ATP11C: variants seen among roughly 807,000 people sequenced by gnomAD.
The protein encoded by ATP11C is phospholipid-transporting ATPase IG.
In ATP11C, 36 loss-of-function variants were observed where a neutral mutation model predicts 97.4. That is an observed-to-expected ratio of 0.37 (90% CI 0.28 to 0.49). The LOEUF is 0.49. Among genes scored for constraint, ATP11C ranks in the 20% least tolerant of loss-of-function variants. ATP11C has a pLI of 0.98. For missense variants in ATP11C, 730 were observed against 824.6 expected (o/e 0.89, Z 1.40); for synonymous variants, 275 against 290.9 (o/e 0.95, Z 0.56).
chrX:139,880,548 G>C (rs911780383), intron 1 of ATP11C, among the ~76,000 whole-genome samples: 17 of 111,242 alleles, frequency 1.5e-4, no homozygotes, highest in Non-Finnish European at 2.5e-4. Context: ...GAAAACAAAG[G>C]AGGAAGATGG....
At chrX:139,794,923 A>C (rs2082763513) in intron 12 of ATP11C, among the ~76,000 whole-genome samples, 1 of 112,091 alleles carries the variant, frequency 8.9e-6, no homozygotes, top group Admixed American at 9.5e-5. Context: ...CAGAACAGGC[A>C]GATTTGCTCA....
At position 139,782,325 on chromosome X, in the gene ATP11C, T is replaced by C. The variant is rs1173035877; in HGVS notation, c.1952+222A>G. ...CTGGGCGACAGAGCGAGACTCTGTCTCAAAAAAAAAAAAATTAATTAAAAA... is the reference window on the plus strand; with the variant it reads ...CTGGGCGACAGAGCGAGACTCTGTCCCAAAAAAAAAAAAATTAATTAAAAA... On this transcript the variant is annotated intron_variant, in intron 18 of 29. Transcript: ENST00000682941. 1.5e-4 allele frequency among the ~76,000 whole-genome samples: 16 copies of C among 103,931 alleles called. 1 individual carries two copies. Among genetic ancestry groups the C allele is most frequent in the Admixed American group, 1.4e-3 (14 of 9,665 alleles). 90.3% of individuals were successfully genotyped at this position (103,931 alleles called of 115,157 possible).
At chrX:139,889,469 A>C (rs904599647) in intron 1 of ATP11C, among the ~76,000 whole-genome samples, 1 of 111,778 alleles carries the variant, frequency 8.9e-6, no homozygotes, top group African/African-American at 3.3e-5. Flanking sequence ...GGTGACAGAA[A>C]ATTTGATTAT....
chrX:139,785,611 A>T (rs1319987959), intron 15 of ATP11C, among the ~76,000 whole-genome samples: 1 of 111,498 alleles, frequency 9.0e-6, no homozygotes, highest in African/African-American at 3.3e-5. Context: ...AAACAGTCCC[A>T]CTCTGCCAAT....
intron 20 of ATP11C, among the ~76,000 whole-genome samples, chrX:139,764,382 T>A (rs899731361): frequency 1.8e-5 from 2 of 112,605 alleles, no homozygotes; most frequent in African/African-American, 6.5e-5. Flanking sequence ...ATGTACTGAA[T>A]AAAATGTTCA....
chrX:139,875,851 C>T (rs1032311104), intron 1 of ATP11C, among the ~76,000 whole-genome samples: 5 of 111,224 alleles, frequency 4.5e-5, no homozygotes, highest in Non-Finnish European at 9.4e-5. Flanking sequence ...AATGAATTGC[C>T]CAAATCACAT....
chrX:139,773,374 T>C (rs1398006945), intron 19 of ATP11C, among the ~76,000 whole-genome samples: 1 of 111,141 alleles, frequency 9.0e-6, no homozygotes, highest in Non-Finnish European at 1.9e-5. Flanking sequence ...ATTACTGCCC[T>C]TATAAGAGGA....
At chrX:139,778,412 C>T (rs981471559) in intron 18 of ATP11C, among the ~76,000 whole-genome samples, 23 of 111,628 alleles carry the variant, frequency 2.1e-4, no homozygotes, top group African/African-American at 7.2e-4. Context: ...CTTGAGACTA[C>T]CAAAACAACT....
At chrX:139,765,936 A>C (rs768390792) in intron 20 of ATP11C, among the ~76,000 whole-genome samples, 3 of 112,155 alleles carry the variant, frequency 2.7e-5, no homozygotes, top group African/African-American at 6.5e-5. Flanking sequence ...ACTACAATGA[A>C]AGGGTAATGT....
intron 1 of ATP11C, among the ~76,000 whole-genome samples, chrX:139,860,504 G>A (rs1052929334): frequency 4.5e-5 from 5 of 111,816 alleles, no homozygotes; most frequent in Non-Finnish European, 7.5e-5. Flanking sequence ...TTTGAGGTTC[G>A]AAATGTGTTA....
At chrX:139,897,175 G>A (rs890956594) in intron 1 of ATP11C, among the ~76,000 whole-genome samples, 3 of 110,825 alleles carry the variant, frequency 2.7e-5, no homozygotes, top group African/African-American at 6.6e-5. Flanking sequence ...GCAGTAAGCC[G>A]AGATTGGGCC....
intron 1 of ATP11C, among the ~76,000 whole-genome samples, chrX:139,897,450 G>A (rs986963884): frequency 7.3e-5 from 8 of 110,179 alleles, no homozygotes; most frequent in African/African-American, 2.6e-4. Context: ...TTGGGAAGCC[G>A]AGGCGGGCGG....
chrX:139,913,864 T>C lies in ATP11C; in HGVS notation c.27+18152A>G, dbSNP rs752402356. 1.3e-4 allele frequency among the ~76,000 whole-genome samples: 14 copies of C among 111,652 alleles called. No individual in the cohort carries two copies. The South Asian group carries it at 4.8e-3, about 39-fold the overall frequency. Reference sequence around the variant, plus strand: ...CGAGTGAAACAGTACTTCCTAAAATTTGTCAATGTTCCCATCCAAAGTATA... The same window carrying C: ...CGAGTGAAACAGTACTTCCTAAAATCTGTCAATGTTCCCATCCAAAGTATA... On this transcript the variant is annotated intron_variant, in intron 1 of 29. Coordinates refer to ENST00000682941, the MANE Select transcript of ATP11C (RefSeq NM_001353812.2).
chrX:139,752,752 C>A (rs2081848273), intron 23 of ATP11C, among the ~76,000 whole-genome samples: 1 of 111,864 alleles, frequency 8.9e-6, no homozygotes, highest in Admixed American at 9.5e-5. Flanking sequence ...TGCTCAATAG[C>A]AATTTGAATG....
chrX:139,903,798 T>C (rs2084934456), intron 1 of ATP11C, among the ~76,000 whole-genome samples: 1 of 110,649 alleles, frequency 9.0e-6, no homozygotes, highest in African/African-American at 3.3e-5. Flanking sequence ...CTGGGTTGTT[T>C]AAGCTACCCA....
Position 139,788,303 on chromosome X carries a change from T to C in ATP11C, c.1409A>G (p.His470Arg). 1.7e-6 allele frequency: 2 copies of C among 1,207,580 alleles called. No individual in the cohort carries two copies. Among genetic ancestry groups the C allele is most frequent in the Non-Finnish European group, 2.2e-6 (2 of 892,352 alleles). The change falls in exon 14 of 30, where the codon CAT becomes CGT. Residue 470 changes from histidine to arginine, a missense_variant. His to Arg is a conservative substitution (Grantham distance 29). Coordinates refer to ENST00000682941, the MANE Select transcript of ATP11C (RefSeq NM_001353812.2). ...ATCGTTTGTTTTGATTTCTACAGTA[T>C]GACATAAACACAAGGCACGTAGAAA... Reference protein sequence around the residue: ...ELFLRALCLCHTVEIKTNDAV... With the variant: ...ELFLRALCLCRTVEIKTNDAV...
At chrX:139,796,131 T>C (rs2082789403) in intron 12 of ATP11C, 142 bp downstream of exon 12, 1 of 394,019 alleles carries the variant, frequency 2.5e-6, no homozygotes, top group Non-Finnish European at 4.2e-6. Context: ...ACTGCTTACC[T>C]TCATTACATG....
Position 139,890,039 on chromosome X carries a change from T to C in ATP11C, c.27+41977A>G, listed in dbSNP as rs531414316. 3.2e-4 allele frequency among the ~76,000 whole-genome samples: 36 copies of C among 112,147 alleles called. No individual in the cohort carries two copies. In the South Asian group the frequency reaches 0.013, roughly 42 times the overall value. ...GAAGGGGTGAAGTATTTTTATTCTA[T>C]GCAATTTCTACCTCTTGATCAGAGT... On this transcript the variant is annotated intron_variant, in intron 1 of 29. Coordinates refer to ENST00000682941, the MANE Select transcript of ATP11C (RefSeq NM_001353812.2).
chrX:139,819,642 C>T (rs1478820445), intron 2 of ATP11C, among the ~76,000 whole-genome samples: 1 of 112,407 alleles, frequency 8.9e-6, no homozygotes, highest in Non-Finnish European at 1.9e-5. Flanking sequence ...CTACGCATTA[C>T]AATAACCATC....
Sources: allele counts gnomAD v4.1 joint callset (sites outside exome capture counted in the v4.1 genomes callset), GRCh38; gene constraint gnomAD v4.1.1; transcripts MANE v1.5; gene names NCBI Gene and HGNC (gene_info 2026-07-23, HGNC 2026-07-21).